The following EPB41L3 variants were observed in gnomAD, a reference collection of about 807,000 sequenced individuals.
The protein encoded by EPB41L3 is erythrocyte membrane protein band 4.1 like 3.
Under a neutral mutation model 127.1 loss-of-function variants are expected in EPB41L3, and 57 were observed. That is an observed-to-expected ratio of 0.45 (90% CI 0.36 to 0.56). The LOEUF (loss-of-function observed/expected upper bound fraction) is 0.56, where lower values mean the gene tolerates loss of function less well. Among genes scored for constraint, EPB41L3 ranks in the 20% least tolerant of loss-of-function variants. The probability of loss-of-function intolerance (pLI) is 0.00; values close to 1 mark genes in which losing one functional copy is unlikely to be tolerated. For missense variants in EPB41L3, 1,273 were observed against 1,372.2 expected (o/e 0.93, Z 1.14); for synonymous variants, 572 against 549.5 (o/e 1.04, Z -0.57).
chr18:5,559,192 C>A (rs527433536), intron 3 of EPB41L3, among the ~76,000 whole-genome samples: 1 of 152,240 alleles, frequency 6.6e-6, no homozygotes, highest in Non-Finnish European at 1.5e-5. Flanking sequence ...AAGTTGCAGA[C>A]TAAGAACACA....
In EPB41L3 at chr18:5,416,175, A is replaced by G. The variant is rs534850711; in HGVS notation, c.1710T>C (p.Asp570=). The G allele has an allele frequency of 1.9e-6, 3 of 1,614,088 alleles. No homozygotes were observed. In the African/African-American group the frequency reaches 4.0e-5, roughly 22 times the overall value. Residue 570 remains aspartate (D), a synonymous_variant, in exon 13 of 23, where the codon GAT becomes GAC. Transcript: ENST00000341928. ...GPGRPYLGDQ[D]VAFSYRQQTG... is the part of the protein sequence containing the mutation. Reference sequence around the variant, plus strand: ...TTTGCTGTCTGTAGCTAAAAGCCACATCTTGATCCCCTAGGTAAGGCCTCC... The same window carrying G: ...TTTGCTGTCTGTAGCTAAAAGCCACGTCTTGATCCCCTAGGTAAGGCCTCC...
intron 7 of EPB41L3, 95 bp from the exon 8 acceptor site, chr18:5,433,651 C>T: frequency 1.8e-6 from 2 of 1,106,750 alleles, no homozygotes; most frequent in Non-Finnish European, 2.6e-6. Flanking sequence ...CATAAGAAGT[C>T]CTATGGAGGC....
intron 2 of EPB41L3, among the ~76,000 whole-genome samples, chr18:5,487,050 T>C (rs924545671): frequency 6.6e-6 from 1 of 152,200 alleles, no homozygotes; most frequent in African/African-American, 2.4e-5. Context: ...GCACTATTCA[T>C]AGCAGCCAAA....
intron 3 of EPB41L3, among the ~76,000 whole-genome samples, chr18:5,585,345 C>T (rs771763592): frequency 4.6e-5 from 7 of 151,910 alleles, no homozygotes; most frequent in Admixed American, 2.0e-4. Context: ...TTTGAGTCGC[C>T]CAGGCTGGAG....
intron 3 of EPB41L3, among the ~76,000 whole-genome samples, chr18:5,597,232 C>T (rs2094545689): frequency 6.6e-6 from 1 of 152,164 alleles, no homozygotes; most frequent in African/African-American, 2.4e-5. Context: ...GCTCCTTAGT[C>T]ATTCTGCTTC....
At chr18:5,515,876 T>C (rs965281541) in intron 1 of EPB41L3, among the ~76,000 whole-genome samples, 1 of 152,168 alleles carries the variant, frequency 6.6e-6, no homozygotes, top group African/African-American at 2.4e-5. Flanking sequence ...TGCACAGAAA[T>C]AGGTTTTTCT....
intron 3 of EPB41L3, among the ~76,000 whole-genome samples, chr18:5,566,073 C>G (rs2094194704): frequency 6.6e-6 from 1 of 152,154 alleles, no homozygotes; most frequent in Non-Finnish European, 1.5e-5. Context: ...GATGCCCTCT[C>G]TCACCACTCC....
chr18:5,454,997 T>C (rs1053524636), intron 3 of EPB41L3, among the ~76,000 whole-genome samples: 1 of 152,236 alleles, frequency 6.6e-6, no homozygotes. Flanking sequence ...AGCTCTGTAA[T>C]GTTAGACAAG....
chr18:5,397,391 C>T lies in EPB41L3; in HGVS notation c.2508G>A (p.Glu836=). 1.2e-6 allele frequency: 2 copies of T among 1,613,498 alleles called. No individual in the cohort carries two copies. Among genetic ancestry groups the T allele is most frequent in the Non-Finnish European group, 1.7e-6 (2 of 1,179,766 alleles). ...METKTESSGI[E]TEPTVHHLPL... The stretch of plus-strand genomic sequence containing the variant: ...GCAGGTGGTGCACGGTGGGTTCCGT[C>T]TCTATTCCACTGGACTCCGTCTTGG... The change falls in exon 18 of 23, where the codon GAG becomes GAA. Residue 836 remains glutamate (E), a synonymous_variant. Transcript: ENST00000341928. This position sits in a 1 kb window ranked among gnomAD's most constrained non-coding sequence, Gnocchi z 4.1.
intron 1 of EPB41L3, among the ~76,000 whole-genome samples, chr18:5,617,123 A>G (rs4290555): frequency 0.62 from 94,105 of 151,980 alleles, 31,491 homozygotes; most frequent in African/African-American, 0.88. Flanking sequence ...ATTCTCTTTC[A>G]CCATTCATCA....
rs2072982289 is a variant in EPB41L3, at chr18:5,394,436, G to A, written c.*6+241C>T. 7.2e-6 allele frequency: 3 copies of A among 416,280 alleles called. No homozygotes were observed. The Admixed American group carries it at 1.1e-4, about 15-fold the overall frequency. The allele number at this position is 416,280 out of a possible 1,614,324, so 25.8% of individuals were successfully genotyped here. A position where few individuals can be genotyped will look rare whatever the true frequency, so the allele number is the denominator to read the frequency against. On this transcript the variant is annotated intron_variant, in intron 22 of 22. Transcript: ENST00000341928. ...ACACCAGGAAGACCACACAAGCATA[G>A]AAGCATAGACTCTGCTCTTCCTTTA...
chr18:5,572,877 C>A (rs892916186), intron 3 of EPB41L3, among the ~76,000 whole-genome samples: 8 of 152,166 alleles, frequency 5.3e-5, no homozygotes, highest in Non-Finnish European at 2.9e-5. Flanking sequence ...TCTGTCAGCT[C>A]TTCTGCTTTG....
chr18:5,474,859 C>T (rs1416307801), intron 3 of EPB41L3, among the ~76,000 whole-genome samples: 1 of 152,166 alleles, frequency 6.6e-6, no homozygotes, highest in African/African-American at 2.4e-5. Context: ...GAATCAGTGG[C>T]TTCCATAATT....
chr18:5,529,837 A>C (rs1466962119), intron 1 of EPB41L3, among the ~76,000 whole-genome samples: 1 of 152,048 alleles, frequency 6.6e-6, no homozygotes, highest in Admixed American at 6.6e-5. Flanking sequence ...TGATACATGA[A>C]GGCTACTAGA....
chr18:5,403,915 A>T (rs1335648416), intron 16 of EPB41L3, among the ~76,000 whole-genome samples: 2 of 152,230 alleles, frequency 1.3e-5, no homozygotes, highest in Non-Finnish European at 2.9e-5. Flanking sequence ...CATAACATAC[A>T]AACAATTAAA....
intron 11 of EPB41L3, among the ~76,000 whole-genome samples, chr18:5,422,638 C>T (rs1397094937): frequency 2.0e-5 from 3 of 152,156 alleles, no homozygotes; most frequent in Admixed American, 6.5e-5. Flanking sequence ...ATTGTTACAG[C>T]GGGCACGCCT....
At position 5,394,800 on chromosome 18, in the gene EPB41L3, C is replaced by T. The variant is rs761207833; in HGVS notation, c.3154-7G>A. On this transcript the variant is annotated splice_polypyrimidine_tract_variant and splice_region_variant and intron_variant, in intron 21 of 22. Coordinates refer to ENST00000341928, the MANE Select transcript of EPB41L3 (RefSeq NM_012307.5). ...TAATTGCCTGAGCCAGCGCCTATCC[C>T]CGGGAAATCACAGAAGGGCAGAAAC... 3 of 1,613,934 alleles carry T rather than the reference C, an allele frequency of 1.9e-6. No individual in the cohort carries two copies. The highest frequency in any genetic ancestry group is 2.2e-5 in the South Asian group (2 of 91,066).
intron 15 of EPB41L3, 76 bp downstream of exon 15, chr18:5,407,625 G>T: frequency 1.4e-6 from 2 of 1,471,526 alleles, no homozygotes; most frequent in Non-Finnish European, 1.9e-6. Context: ...AGATCTGAAC[G>T]CTGTAGACAA....
At chr18:5,484,032 A>G in intron 2 of EPB41L3, among the ~76,000 whole-genome samples, 1 of 140,650 alleles carries the variant, frequency 7.1e-6, no homozygotes, top group Non-Finnish European at 1.5e-5. Context: ...CAGCACATGG[A>G]ACACTGTCCA....
Sources: gnomAD v4.1 joint callset for allele counts (sites outside exome capture counted in the v4.1 genomes callset) on GRCh38, gnomAD v4.1.1 for gene constraint, Gnocchi (gnomAD v3.1) non-coding constraint, MANE v1.5 for transcripts, NCBI Gene and HGNC (gene_info 2026-07-23, HGNC 2026-07-21) for gene names.